The following RIF1 variants were observed in gnomAD, a reference collection of about 807,000 sequenced individuals.
The protein encoded by RIF1 is replication timing regulatory factor 1, also known as telomere-associated protein RIF1.
Under a neutral mutation model 247.1 loss-of-function variants are expected in RIF1, and 45 were observed. The ratio of observed to expected loss-of-function variants is 0.18; its 90% confidence interval spans 0.14 to 0.23. RIF1 has a LOEUF of 0.23. Ranked by LOEUF, RIF1 falls within the 10% of genes least tolerant of loss-of-function variation. The pLI is 1.00. For synonymous variants in RIF1, 1,087 were observed against 978.8 expected, an observed-to-expected ratio of 1.11 and a Z score of -2.06; for missense variants, 2,967 against 2,862.5, an observed-to-expected ratio of 1.04 and a Z score of -0.83.
chr2:151,502,430 T>TAAAC (rs2065423271), intron 11 of RIF1, among the ~76,000 whole-genome samples: 1 of 151,814 alleles, frequency 6.6e-6, no homozygotes, highest in South Asian at 2.1e-4. Context: ...AAGAATACAT[T>TAAAC]AAACAGCCAC....
At chr2:151,524,531 G>A in the RIF1 span, 1 of 1,613,930 alleles carries the variant, frequency 6.2e-7, no homozygotes, top group Non-Finnish European at 8.5e-7. Flanking sequence ...GGCCTGTTTG[G>A]CTGCCTGTGT....
Position 151,475,406 on chromosome 2 carries a change from T to TA in RIF1, c.*339dup. On this transcript the variant is annotated 3_prime_UTR_variant, in exon 36 of 36. Coordinates refer to ENST00000444746, the MANE Select transcript of RIF1 (RefSeq NM_018151.5). Reference sequence around the variant, plus strand: ...CCCGTGCATATTCTGGTGAAACATGTAAAATACTTTAAGTAAAATTGAACA... The same window carrying TA: ...CCCGTGCATATTCTGGTGAAACATGTAAAAATACTTTAAGTAAAATTGAACA... The TA allele has an allele frequency of 4.2e-6, 1 of 240,088 alleles. No homozygotes were observed. The highest frequency in any genetic ancestry group is 8.1e-6 in the Non-Finnish European group (1 of 122,762). The allele number at this position is 240,088 out of a possible 1,614,324, so 14.9% of individuals were successfully genotyped here.
Position 151,493,357 on chromosome 2 carries a change from C to A in RIF1, c.*416-1872C>A, listed in dbSNP as rs757919143. On this transcript the variant is annotated intron_variant and NMD_transcript_variant, in intron 9 of 13. Transcript: ENST00000454583. ...CTTTTTAGTCCTAGAAAATACCGAG[C>A]TAATGTTTTCTTGGTTGCGCTTAGC... 6 of 1,608,374 alleles carry A rather than the reference C, an allele frequency of 3.7e-6. No homozygotes were observed. Among genetic ancestry groups the A allele is most frequent in the Non-Finnish European group, 5.1e-6 (6 of 1,175,406 alleles).
At chr2:151,414,797 TAATA>T in intron 3 of RIF1, 22 bp from the exon 4 acceptor site, 1 of 1,531,190 alleles carries the variant, frequency 6.5e-7, no homozygotes, top group Non-Finnish European at 9.0e-7. Context: ...TGCTTGTTTG[TAATA>T]AATGTGATTT....
At chr2:151,430,307 T>G (rs941187693) in intron 9 of RIF1, among the ~76,000 whole-genome samples, 1 of 151,248 alleles carries the variant, frequency 6.6e-6, no homozygotes, top group Non-Finnish European at 1.5e-5. Context: ...AGGTGTGAGG[T>G]ACTGCGCCCG....
Position 151,466,024 on chromosome 2 carries a change from C to T in RIF1, c.6504C>T (p.Arg2168=). The T allele has an allele frequency of 6.2e-7, 1 of 1,613,348 alleles. No homozygotes were observed. Among genetic ancestry groups the T allele is most frequent in the South Asian group, 1.1e-5 (1 of 91,066 alleles). The change falls in exon 30 of 36, where the codon CGC becomes CGT. Residue 2168 remains arginine, a synonymous_variant. Transcript: ENST00000444746. ...ACAGTCCTAGTGGCATGCAGACACG[C>T]TGTGTCTGGTCTCCTTTGGCTTCTC... The part of the protein sequence containing the change: ...ANDSPSGMQT[R]CVWSPLASPS...
intron 3 of RIF1, among the ~76,000 whole-genome samples, chr2:151,412,879 A>AC (rs1281483777): frequency 1.3e-5 from 2 of 152,160 alleles, no homozygotes; most frequent in African/African-American, 4.8e-5. Context: ...TGGTGGTGTC[A>AC]CAGTCATCAA....
chr2:151,519,903 A>G, the RIF1 span: 2 of 596,226 alleles, frequency 3.4e-6, no homozygotes, highest in Non-Finnish European at 3.0e-6. Context: ...CCAAACTGGG[A>G]CATTTAGAGT....
In RIF1 at chr2:151,480,181, C is replaced by T. The variant is rs1324014953; in HGVS notation, c.*5110C>T. On this transcript the variant is annotated 3_prime_UTR_variant, in exon 36 of 36. Coordinates refer to ENST00000444746, the MANE Select transcript of RIF1 (RefSeq NM_018151.5). ...GTTGGAATAAAAGATAACCGTTCAT[C>T]TTACCTAAAAAATTGAAGACAATAT... is the stretch of plus-strand genomic sequence containing the variant. 3 of 152,156 alleles carry T rather than the reference C, an allele frequency of 2.0e-5. No homozygotes were observed. The highest frequency in any genetic ancestry group is 1.3e-4 in the Admixed American group (2 of 15,272). 9.4% of individuals were successfully genotyped at this position (152,156 alleles called of 1,614,324 possible).
chr2:151,416,950 A>G (rs1280691051), intron 6 of RIF1, 49 bp downstream of exon 6: 1 of 1,431,378 alleles, frequency 7.0e-7, no homozygotes, highest in East Asian at 2.3e-5. Flanking sequence ...TCATAAATTT[A>G]GCTGAAGGAG....
chr2:151,447,160 G>T (rs553708142), intron 20 of RIF1, among the ~76,000 whole-genome samples: 3 of 151,694 alleles, frequency 2.0e-5, no homozygotes, highest in Non-Finnish European at 4.4e-5. Flanking sequence ...AGCCAGGATG[G>T]TCTCGATCTC....
intron 9 of RIF1, chr2:151,491,906 CTT>C: frequency 2.0e-6 from 2 of 982,826 alleles, no homozygotes; most frequent in Non-Finnish European, 3.0e-6. Flanking sequence ...TGGGTCATGT[CTT>C]TTCCTCAGAG....
intron 35 of RIF1, among the ~76,000 whole-genome samples, chr2:151,474,453 T>A (rs1574193583): frequency 6.6e-6 from 1 of 152,092 alleles, no homozygotes; most frequent in Non-Finnish European, 1.5e-5. Flanking sequence ...CCAAGGTGGG[T>A]GGATCGCTTG....
Position 151,431,112 on chromosome 2 carries a change from A to G in RIF1, c.926-1965A>G, listed in dbSNP as rs1023754687. On this transcript the variant is annotated intron_variant, in intron 9 of 35. Coordinates refer to ENST00000444746, the MANE Select transcript of RIF1 (RefSeq NM_018151.5). The stretch of plus-strand genomic sequence containing the variant: ...AAATAAGAGTAGTTTAAAGATAGTA[A>G]GTTAAAAATAAGTTCAGAGCTAGGG... Among the ~76,000 whole-genome samples, 9 of 152,220 alleles carry G rather than the reference A, an allele frequency of 5.9e-5. No homozygotes were observed. In the East Asian group the frequency reaches 1.7e-3, roughly 29 times the overall value.
chr2:151,526,396 T>G, the RIF1 span: 1 of 688,712 alleles, frequency 1.5e-6, no homozygotes, highest in South Asian at 1.7e-5. Context: ...TTGCAAATTT[T>G]GGGAAATATT....
At chr2:151,523,888 G>GA in the RIF1 span, among the ~76,000 whole-genome samples, 179 of 150,160 alleles carry the variant, frequency 1.2e-3, no homozygotes, top group Middle Eastern at 6.8e-3. Flanking sequence ...TATGTTTAAT[G>GA]AAAAAAAAAT....
chr2:151,458,006 G>A, intron 24 of RIF1, 43 bp downstream of exon 24: 1 of 1,382,006 alleles, frequency 7.2e-7, no homozygotes, highest in African/African-American at 1.4e-5. Flanking sequence ...CTATTCTGTT[G>A]TGATCATATA....
At chr2:151,421,306 CA>C (rs1372339699) in intron 7 of RIF1, among the ~76,000 whole-genome samples, 2 of 152,112 alleles carry the variant, frequency 1.3e-5, no homozygotes, top group Non-Finnish European at 2.9e-5. Context: ...TCAGAGAAGG[CA>C]AAGGAAAGGA....
At chr2:151,417,679 A>G (rs1687451983) in intron 6 of RIF1, among the ~76,000 whole-genome samples, 1 of 152,238 alleles carries the variant, frequency 6.6e-6, no homozygotes, top group Admixed American at 6.5e-5. Context: ...AGCTATTATC[A>G]GTAACCTAGA....
Sources: allele counts gnomAD v4.1 joint callset (sites outside exome capture counted in the v4.1 genomes callset), GRCh38; gene constraint gnomAD v4.1.1; transcripts MANE v1.5; gene names NCBI Gene and HGNC (gene_info 2026-07-23, HGNC 2026-07-21).